The following CSMD2 variants were observed in gnomAD, a reference collection of about 807,000 sequenced individuals.
CSMD2 encodes the protein CUB and Sushi multiple domains 2.
A neutral mutation model predicts 398.5 loss-of-function variants in CSMD2; 130 were observed. The ratio of observed to expected loss-of-function variants is 0.33; its 90% CI spans 0.28 to 0.38. The LOEUF (loss-of-function observed/expected upper bound fraction) is 0.38. Ranked by LOEUF, CSMD2 falls within the 10% of genes least tolerant of loss-of-function variation. The pLI, the probability that CSMD2 is intolerant of heterozygous loss-of-function variation, is 1.00. For synonymous variants in CSMD2, 1,828 were observed against 1,908.5 expected, an observed-to-expected ratio of 0.96 and a Z score of 1.10; for missense variants, 3,829 against 4,764.9, an observed-to-expected ratio of 0.80 and a Z score of 5.78.
rs534254760 is a variant in CSMD2, at chr1:33,778,572, C to T, written c.1664-5821G>A. 3.9e-5 allele frequency among the ~76,000 whole-genome samples: 6 copies of T among 152,118 alleles called. No individual in the cohort carries two copies. The South Asian group carries it at 1.0e-3, about 26-fold the overall frequency. On this transcript the variant is annotated intron_variant, in intron 12 of 70. Transcript: ENST00000373381. ...TATGTATTTTTGATCACTGTGTACCCGGCACTTAGCACAGTCCCTGGAACA... is the reference window on the plus strand; with the variant it reads ...TATGTATTTTTGATCACTGTGTACCTGGCACTTAGCACAGTCCCTGGAACA...
At chr1:33,664,567 TGAGGTCAGGAGGTCAGGATCAC>T (rs765954180) in intron 25 of CSMD2, among the ~76,000 whole-genome samples, 4 of 152,140 alleles carry the variant, frequency 2.6e-5, no homozygotes, top group Admixed American at 6.5e-5. Flanking sequence ...TTTGGGAGGC[TGAGGTCAGGAGGTCAGGATCAC>T]GAGGTCAGGA....
intron 25 of CSMD2, among the ~76,000 whole-genome samples, chr1:33,678,944 G>C (rs1364556276): frequency 6.6e-6 from 1 of 152,188 alleles, no homozygotes; most frequent in Non-Finnish European, 1.5e-5. Context: ...GGTAGTGACT[G>C]CTGTCTTGGA....
At chr1:34,104,608 C>T (rs779769287) in intron 1 of CSMD2, among the ~76,000 whole-genome samples, 5 of 152,116 alleles carry the variant, frequency 3.3e-5, no homozygotes, top group Non-Finnish European at 5.9e-5. Flanking sequence ...GGAAACACAG[C>T]GGGGAGCTGC....
At position 33,580,807 on chromosome 1, in the gene CSMD2, G is replaced by A. The variant is rs763797256; in HGVS notation, c.7333C>T (p.Arg2445Cys). The A allele has an allele frequency of 5.0e-6, 8 of 1,614,138 alleles. No individual in the cohort carries two copies. The highest frequency in any genetic ancestry group is 6.8e-6 in the Non-Finnish European group (8 of 1,180,022). The part of the protein sequence containing the change: ...VTSSSNSVYL[R>C]WSSDHAYNRK... ...TTGTAGGCGTGATCAGATGACCAAC[G>A]CAGGTACACAGAGTTGCTTGAGCTG... is the stretch of plus-strand genomic sequence containing the variant. Residue 2445 changes from arginine (R) to cysteine (C), a missense_variant, in exon 48 of 71, where the codon CGT becomes TGT. This residue lies in a region of CSMD2 where 723 missense variants were observed against 758.6 expected (regional missense o/e 0.95). Transcript: ENST00000373381.
chr1:34,152,758 A>T (rs574859790), intron 1 of CSMD2, among the ~76,000 whole-genome samples: 1 of 152,194 alleles, frequency 6.6e-6, no homozygotes, highest in Non-Finnish European at 1.5e-5. Flanking sequence ...AACCACTTAG[A>T]AGTATATAAT....
intron 3 of CSMD2, among the ~76,000 whole-genome samples, chr1:33,959,156 G>T (rs902898118): frequency 6.6e-6 from 1 of 152,220 alleles, no homozygotes; most frequent in Non-Finnish European, 1.5e-5. Context: ...AAAGGCGCCT[G>T]CTCTGAAGAC....
intron 5 of CSMD2, among the ~76,000 whole-genome samples, chr1:33,884,260 CT>C (rs1171285043): frequency 6.6e-6 from 1 of 152,014 alleles, no homozygotes. Context: ...TCCCAGACAT[CT>C]ATTTTCAACC....
intron 17 of CSMD2, 27 bp from the exon 18 acceptor site, chr1:33,724,731 C>T: frequency 6.2e-7 from 1 of 1,603,398 alleles, no homozygotes; most frequent in Non-Finnish European, 8.5e-7. Flanking sequence ...ACAGCTGGGA[C>T]AGACAGCTTA....
chr1:33,569,536 C>T lies in CSMD2; in HGVS notation c.7969G>A (p.Gly2657Arg). ...STPTCRIISC[G>R]ELPIPPNGHR... ...CCATTGGGGGGAATCGGGAGCTCTC[C>T]ACAGGAGATGACTAAAATGATCACA... is the stretch of plus-strand genomic sequence containing the variant. Residue 2657 changes from glycine (G) to arginine (R), a missense_variant, in exon 52 of 71, where the codon GGA (glycine) becomes AGA (arginine). By Grantham distance (125) the Gly-to-Arg change is moderately radical (BLOSUM62 -2). Coordinates refer to ENST00000373381, the MANE Select transcript of CSMD2 (RefSeq NM_001281956.2). 11 of 1,613,882 alleles carry T rather than the reference C, an allele frequency of 6.8e-6. No homozygotes were observed. The highest frequency in any genetic ancestry group is 9.3e-6 in the Non-Finnish European group (11 of 1,179,854).
chr1:34,108,672 A>C (rs1343948951), intron 1 of CSMD2, among the ~76,000 whole-genome samples: 1 of 152,204 alleles, frequency 6.6e-6, no homozygotes, highest in Non-Finnish European at 1.5e-5. Context: ...TAAAGGAATG[A>C]AGGGATAGAA....
intron 29 of CSMD2, among the ~76,000 whole-genome samples, chr1:33,642,346 CAAAA>C (rs71029013): frequency 7.9e-4 from 66 of 83,698 alleles, no homozygotes; most frequent in East Asian, 4.1e-3. Context: ...CACTCTGTCT[CAAAA>C]AAAAAAAAAA....
chr1:33,889,885 C>T lies in CSMD2; in HGVS notation c.920+28209G>A, dbSNP rs572004738. Among the ~76,000 whole-genome samples the T allele has an allele frequency of 1.7e-4, 26 of 151,684 alleles. No homozygotes were observed. In the South Asian group the frequency reaches 4.4e-3, roughly 26 times the overall value. ...TTAGGGTAGGGATTTAACACATAGA[C>T]GACTTTAACGTTTTATTCTGTACTC... On this transcript the variant is annotated intron_variant, in intron 5 of 70. Coordinates refer to ENST00000373381, the MANE Select transcript of CSMD2 (RefSeq NM_001281956.2).
Position 33,567,734 on chromosome 1 carries a change from T to G in CSMD2, c.8239A>C (p.Asn2747His), listed in dbSNP as rs1355081821. 6.2e-7 allele frequency: 1 copy of G among 1,614,078 alleles called. No homozygotes were observed. The highest frequency in any genetic ancestry group is 1.3e-5 in the African/African-American group (1 of 75,012). ...GHCGTPEPIV[N>H]GHINGENYSY... ...TAGTTCTCCCCATTGATGTGTCCGTTGACAATGGGCTCAGGAGTCCCACAG... is the reference window on the plus strand; with the variant it reads ...TAGTTCTCCCCATTGATGTGTCCGTGGACAATGGGCTCAGGAGTCCCACAG... The change falls in exon 53 of 71, where the codon AAC becomes CAC. Residue 2747 changes from asparagine to histidine, a missense_variant. By Grantham distance (68) the Asn-to-His change is moderately conservative. Coordinates refer to ENST00000373381, the MANE Select transcript of CSMD2 (RefSeq NM_001281956.2).
In CSMD2 at chr1:33,739,255, G is replaced by A. The variant is rs1451831273; in HGVS notation, c.2253C>T (p.Ser751=). 1 of 1,614,230 alleles carries A rather than the reference G, an allele frequency of 6.2e-7. No homozygotes were observed. Among genetic ancestry groups the A allele is most frequent in the East Asian group, 2.2e-5 (1 of 44,874 alleles). ...KRFGDSLQLG[S]SISFLCDEGF... ...CTTCATCACAGAGGAAGGAGATGGA[G>A]CTGCCCAGCTGGAGGCTGTCCCCAA... The change falls in exon 15 of 71, where the codon AGC becomes AGT. Residue 751 remains serine (S), a synonymous_variant. Transcript: ENST00000373381.
chr1:33,888,916 C>T (rs572797075), intron 5 of CSMD2, among the ~76,000 whole-genome samples: 13 of 152,066 alleles, frequency 8.5e-5, no homozygotes, highest in Admixed American at 1.3e-4. Context: ...TATAGGCGCC[C>T]GCCACCACGC....
chr1:33,973,722 T>C (rs914038188), intron 3 of CSMD2, among the ~76,000 whole-genome samples: 17 of 152,092 alleles, frequency 1.1e-4, no homozygotes, highest in Non-Finnish European at 1.5e-5. Flanking sequence ...GAGACAGGAC[T>C]CCTACACGAG....
intron 5 of CSMD2, among the ~76,000 whole-genome samples, chr1:33,902,181 T>A (rs893983843): frequency 6.6e-6 from 1 of 152,152 alleles, no homozygotes; most frequent in African/African-American, 2.4e-5. Context: ...GGATAAGTCC[T>A]AGAGGGCATT....
chr1:33,746,083 C>T (rs1647339454), intron 13 of CSMD2, among the ~76,000 whole-genome samples: 1 of 152,198 alleles, frequency 6.6e-6, no homozygotes, highest in Non-Finnish European at 1.5e-5. Flanking sequence ...AATAACACTT[C>T]CCCCTGGGCC....
intron 13 of CSMD2, among the ~76,000 whole-genome samples, chr1:33,757,115 C>A (rs1225882245): frequency 6.8e-6 from 1 of 147,596 alleles, no homozygotes; most frequent in Admixed American, 6.8e-5. Flanking sequence ...AATGAGAACA[C>A]GTGGACACAG....
Sources: gnomAD v4.1 joint callset for allele counts (sites outside exome capture counted in the v4.1 genomes callset) on GRCh38, gnomAD v4.1.1 for gene constraint, gnomAD v4.1.1 regional missense constraint, MANE v1.5 for transcripts, NCBI Gene and HGNC (gene_info 2026-07-23, HGNC 2026-07-21) for gene names.